CSTL1: variants seen among roughly 807,000 people sequenced by gnomAD.
The protein encoded by CSTL1 is cystatin like 1, also known as cystatin-like 1.
A neutral mutation model predicts 14.4 loss-of-function variants in CSTL1; 14 were observed. The ratio of observed to expected loss-of-function variants is 0.97; its 90% CI spans 0.64 to 1.52. The LOEUF (loss-of-function observed/expected upper bound fraction) is 1.52. CSTL1 is among the 40% of genes most tolerant of loss of function. The pLI is 0.00. For missense variants in CSTL1, 170 were observed against 168.7 expected (o/e 1.01, Z -0.04); for synonymous variants, 72 against 67.5 (o/e 1.07, Z -0.33).
chr20:23,449,695 A>G (rs1163329595), downstream of CSTL1, among the ~76,000 whole-genome samples: 2 of 152,158 alleles, frequency 1.3e-5, no homozygotes, highest in Non-Finnish European at 2.9e-5. Context: ...TTCTGTGGAA[A>G]GAAAGCCCCT....
the CSTL1 span, among the ~76,000 whole-genome samples, chr20:23,460,067 T>G: frequency 8.5e-5 from 13 of 152,352 alleles, no homozygotes; most frequent in Admixed American, 7.8e-4. Context: ...CAACATTAGA[T>G]GAGAATGCCT....
downstream of CSTL1, among the ~76,000 whole-genome samples, chr20:23,449,619 A>G (rs1271223112): frequency 1.3e-5 from 2 of 152,156 alleles, no homozygotes; most frequent in Non-Finnish European, 2.9e-5. Flanking sequence ...AAGCCCGGTG[A>G]CATCATCTGA....
chr20:23,448,201 A>G (rs1335509912), downstream of CSTL1, among the ~76,000 whole-genome samples: 2 of 152,076 alleles, frequency 1.3e-5, no homozygotes, highest in Admixed American at 6.6e-5. Flanking sequence ...TCATATTGAC[A>G]CTCTATTCTT....
the CSTL1 span, chr20:23,452,910 C>T: frequency 2.2e-6 from 2 of 893,774 alleles, no homozygotes; most frequent in Non-Finnish European, 3.4e-6. Flanking sequence ...TTAAGAGCAG[C>T]TGGTGGTGGA....
At chr20:23,442,701 C>G (rs1417572372) in intron 2 of CSTL1, among the ~76,000 whole-genome samples, 3 of 152,098 alleles carry the variant, frequency 2.0e-5, no homozygotes, top group Non-Finnish European at 4.4e-5. Flanking sequence ...CTGCCCTGTC[C>G]CAGTGTTTGC....
chr20:23,443,411 T>A (rs1986884193), intron 2 of CSTL1, among the ~76,000 whole-genome samples: 1 of 152,196 alleles, frequency 6.6e-6, no homozygotes, highest in Non-Finnish European at 1.5e-5. Context: ...AAGCTGAGGA[T>A]GCTAAGTAAC....
intron 2 of CSTL1, among the ~76,000 whole-genome samples, chr20:23,441,516 T>C (rs999098458): frequency 2.6e-5 from 4 of 152,188 alleles, no homozygotes; most frequent in African/African-American, 9.7e-5. Context: ...ATCCATGGAT[T>C]CTGAAGTCTT....
rs570240178 is a variant in CSTL1 at position 23,440,277 on chromosome 20, G to A, written c.10G>A (p.Gly4Arg). 198 of 1,614,040 alleles carry A rather than the reference G, an allele frequency of 1.2e-4. 3 individuals carry two copies. In the Admixed American group the frequency reaches 2.0e-3, roughly 16 times the overall value. ...TTCTGAGGCTGTAGACATGGGGATC[G>A]GATGCTGGAGAAACCCCCTGCTGCT... Reference protein sequence around the residue: MGIGCWRNPLLLLI... With the variant: MGIRCWRNPLLLLI... Residue 4 changes from glycine (G) to arginine (R), a missense_variant, in exon 2 of 4, where the codon GGA (glycine) becomes AGA (arginine). Transcript: ENST00000347397.
the CSTL1 span, among the ~76,000 whole-genome samples, chr20:23,453,378 G>A: frequency 6.6e-5 from 10 of 152,148 alleles, no homozygotes; most frequent in East Asian, 5.8e-4. Flanking sequence ...TGACACCGAC[G>A]ATTCCCCAGT....
the CSTL1 span, chr20:23,451,824 G>C: frequency 8.1e-6 from 13 of 1,613,468 alleles, no homozygotes; most frequent in South Asian, 1.4e-4. Context: ...ACCTTGTGAA[G>C]CTCCCTTTCC....
At chr20:23,452,748 G>A in the CSTL1 span, 1 of 1,614,188 alleles carries the variant, frequency 6.2e-7, no homozygotes, top group Non-Finnish European at 8.5e-7. Context: ...TGGTAGGGGA[G>A]GGCCATCAGA....
downstream of CSTL1, among the ~76,000 whole-genome samples, chr20:23,445,242 T>TC (rs1986943669): frequency 6.7e-6 from 1 of 149,936 alleles, no homozygotes; most frequent in South Asian, 2.1e-4. Flanking sequence ...TTTTTTTTTT[T>TC]TTTTTTTGAG....
downstream of CSTL1, among the ~76,000 whole-genome samples, chr20:23,446,264 T>G (rs1187033685): frequency 6.6e-6 from 1 of 151,758 alleles, no homozygotes; most frequent in African/African-American, 2.4e-5. Flanking sequence ...TTTTTTTTTT[T>G]TCTTTTTTTT....
At chr20:23,457,127 G>A in the CSTL1 span, among the ~76,000 whole-genome samples, 2 of 152,140 alleles carry the variant, frequency 1.3e-5, no homozygotes, top group African/African-American at 2.4e-5. Flanking sequence ...GTCTCGGCCA[G>A]GACTGCTCTG....
At chr20:23,448,905 C>T (rs1349102731), downstream of CSTL1, among the ~76,000 whole-genome samples, 1 of 152,176 alleles carries the variant, frequency 6.6e-6, no homozygotes, top group Non-Finnish European at 1.5e-5. Flanking sequence ...ACAACTGCCT[C>T]AAGGAGTAGG....
intron 3 of CSTL1, among the ~76,000 whole-genome samples, chr20:23,444,552 C>T (rs1426077626): frequency 6.6e-6 from 1 of 152,186 alleles, no homozygotes; most frequent in African/African-American, 2.4e-5. Context: ...TCCAGGTTCA[C>T]CTGCTGTGGG....
At chr20:23,450,431 T>C in the CSTL1 span, 2 of 878,268 alleles carry the variant, frequency 2.3e-6, no homozygotes, top group East Asian at 5.1e-5. Flanking sequence ...AAACATTTAT[T>C]GCCTATATTA....
the CSTL1 span, among the ~76,000 whole-genome samples, chr20:23,454,037 AAC>A: frequency 4.0e-5 from 6 of 151,552 alleles, no homozygotes; most frequent in African/African-American, 1.2e-4. Flanking sequence ...CACAGTGAAA[AAC>A]ACAGATGCAC....
the CSTL1 span, among the ~76,000 whole-genome samples, chr20:23,456,547 G>A: frequency 6.6e-6 from 1 of 152,086 alleles, no homozygotes; most frequent in Non-Finnish European, 1.5e-5. Flanking sequence ...GGCTGTTCTG[G>A]GGTCCCTTCC....
Sources: gnomAD v4.1 joint callset for allele counts (sites outside exome capture counted in the v4.1 genomes callset) on GRCh38, gnomAD v4.1.1 for gene constraint, MANE v1.5 for transcripts, NCBI Gene and HGNC (gene_info 2026-07-23, HGNC 2026-07-21) for gene names.